Variants in NRG3 observed in about 807,000 individuals in gnomAD.
NRG3 encodes pro-neuregulin-3, membrane-bound isoform.
A neutral mutation model predicts 66.9 loss-of-function variants in NRG3; 31 were observed. That is an observed-to-expected ratio of 0.46 (90% CI 0.35 to 0.63). The LOEUF (loss-of-function observed/expected upper bound fraction) is 0.63, where lower values mean the gene tolerates loss of function less well. Ranked by LOEUF, NRG3 falls within the 20% of genes least tolerant of loss-of-function variation. The probability of loss-of-function intolerance (pLI) is 0.00; values close to 1 mark genes in which losing one functional copy is unlikely to be tolerated. For synonymous variants in NRG3, 393 were observed against 359.4 expected (o/e 1.09, Z -1.06); for missense variants, 910 against 878.9 (o/e 1.04, Z -0.45).
At chr10:82,319,989 A>G (rs12265675) in intron 1 of NRG3, among the ~76,000 whole-genome samples, 30,383 of 152,112 alleles carry the variant, frequency 0.2, 5,014 homozygotes, top group African/African-American at 0.45. Flanking sequence ...AGCCTTTCAG[A>G]GTAAGGATGT....
rs902771729 is a variant in NRG3, at chr10:82,613,442, A to T, written c.954-125135A>T. The stretch of plus-strand genomic sequence containing the variant: ...TTTAAAAAAAATAATTAATTAATTA[A>T]TTATTTATTTTTTCCATCCAGAGTA... On this transcript the variant is annotated intron_variant, in intron 2 of 8. Transcript: ENST00000372141. 7.5e-4 allele frequency among the ~76,000 whole-genome samples: 114 copies of T among 151,446 alleles called. 1 individual carries two copies. The highest frequency in any genetic ancestry group is 2.4e-3 in the African/African-American group (99 of 41,470).
At chr10:82,450,527 A>C (rs1489626601) in intron 2 of NRG3, among the ~76,000 whole-genome samples, 3 of 152,152 alleles carry the variant, frequency 2.0e-5, no homozygotes, top group Non-Finnish European at 4.4e-5. Context: ...TGTGTTCTGA[A>C]GAAATCTGCC....
intron 4 of NRG3, among the ~76,000 whole-genome samples, chr10:82,915,476 T>C (rs1292415071): frequency 2.6e-5 from 4 of 152,208 alleles, no homozygotes; most frequent in Non-Finnish European, 5.9e-5. Flanking sequence ...TACAGTAAAT[T>C]TTTTAAAAAC....
intron 1 of NRG3, among the ~76,000 whole-genome samples, chr10:82,271,642 C>A (rs1468899542): frequency 1.3e-5 from 2 of 152,016 alleles, no homozygotes; most frequent in African/African-American, 4.8e-5. Context: ...ACTGTGTAAG[C>A]AATACTGCTG....
intron 1 of NRG3, among the ~76,000 whole-genome samples, chr10:82,201,571 T>C (rs2074827134): frequency 6.6e-6 from 1 of 152,138 alleles, no homozygotes; most frequent in Admixed American, 6.5e-5. Context: ...AGGCCTTTAA[T>C]AGCGGTATTG....
chr10:82,207,807 A>G (rs2075196707), intron 1 of NRG3, among the ~76,000 whole-genome samples: 1 of 152,156 alleles, frequency 6.6e-6, no homozygotes, highest in Non-Finnish European at 1.5e-5. Context: ...ATGAGAAGTC[A>G]CTAGCACAAG....
intron 2 of NRG3, among the ~76,000 whole-genome samples, chr10:82,628,582 C>G (rs760639653): frequency 6.6e-6 from 1 of 152,020 alleles, no homozygotes; most frequent in Non-Finnish European, 1.5e-5. Context: ...CTGTACAGAG[C>G]TCAGATGAAC....
intron 2 of NRG3, among the ~76,000 whole-genome samples, chr10:82,475,163 A>G (rs545139460): frequency 1.3e-5 from 2 of 151,968 alleles, no homozygotes; most frequent in Non-Finnish European, 2.9e-5. Flanking sequence ...TATAAATGAA[A>G]CAATGAGTTG....
At chr10:82,654,212 G>T (rs2051667937) in intron 2 of NRG3, among the ~76,000 whole-genome samples, 1 of 152,102 alleles carries the variant, frequency 6.6e-6, no homozygotes, top group Non-Finnish European at 1.5e-5. Flanking sequence ...TTGAATGAGA[G>T]GATTTAAAAC....
At chr10:82,496,052 T>C (rs1022346946) in intron 2 of NRG3, among the ~76,000 whole-genome samples, 2 of 152,228 alleles carry the variant, frequency 1.3e-5, no homozygotes, top group Admixed American at 1.3e-4. Flanking sequence ...AACTCAGATA[T>C]GGTCTCTCTG....
chr10:82,300,631 C>T (rs1473013823), intron 1 of NRG3, among the ~76,000 whole-genome samples: 1 of 152,014 alleles, frequency 6.6e-6, no homozygotes, highest in African/African-American at 2.4e-5. Flanking sequence ...TTTGCCGTCA[C>T]CACAAACATG....
intron 2 of NRG3, among the ~76,000 whole-genome samples, chr10:82,419,006 C>T (rs1327231033): frequency 6.6e-6 from 1 of 152,098 alleles, no homozygotes; most frequent in Non-Finnish European, 1.5e-5. Context: ...ACCAAACCCT[C>T]AAAATTGTAA....
intron 2 of NRG3, among the ~76,000 whole-genome samples, chr10:82,576,669 T>C (rs910634272): frequency 6.6e-6 from 1 of 151,820 alleles, no homozygotes; most frequent in Non-Finnish European, 1.5e-5. Flanking sequence ...CAACTGCCTT[T>C]TGTGTTCAAT....
rs916064294 is a variant in NRG3 at position 82,866,995 on chromosome 10, A to G, written c.1054+1558A>G. 5.9e-5 allele frequency among the ~76,000 whole-genome samples: 9 copies of G among 152,264 alleles called. No homozygotes were observed. The East Asian group carries it at 7.7e-4, about 13-fold the overall frequency. On this transcript the variant is annotated intron_variant, in intron 4 of 8. Coordinates refer to ENST00000372141, the MANE Select transcript of NRG3 (RefSeq NM_001010848.4). ...GACAGAGAGAAAAAAAATGTTGGTT[A>G]TATGCCAAAGTTTCCCATTAATATG...
At chr10:82,762,844 A>G (rs2059381874) in intron 3 of NRG3, among the ~76,000 whole-genome samples, 1 of 152,188 alleles carries the variant, frequency 6.6e-6, no homozygotes, top group African/African-American at 2.4e-5. Flanking sequence ...GTTGAAGTTC[A>G]GTTGCCATGG....
intron 3 of NRG3, among the ~76,000 whole-genome samples, chr10:82,864,114 A>G (rs1460308134): frequency 1.3e-5 from 2 of 152,114 alleles, no homozygotes; most frequent in Non-Finnish European, 2.9e-5. Flanking sequence ...ATGAGGAATT[A>G]TGGATTAGGG....
At chr10:82,632,617 G>A (rs1030167015) in intron 2 of NRG3, among the ~76,000 whole-genome samples, 1 of 151,872 alleles carries the variant, frequency 6.6e-6, no homozygotes, top group African/African-American at 2.4e-5. Context: ...GGTAATCTTC[G>A]CAAAAGAGAA....
intron 2 of NRG3, among the ~76,000 whole-genome samples, chr10:82,715,107 G>T (rs923266673): frequency 1.3e-5 from 2 of 152,150 alleles, no homozygotes; most frequent in East Asian, 1.9e-4. Context: ...TTAAAGTCTT[G>T]GGTGTGGCTG....
chr10:82,673,257 A>T (rs1359802893), intron 2 of NRG3, among the ~76,000 whole-genome samples: 1 of 152,252 alleles, frequency 6.6e-6, no homozygotes, highest in Non-Finnish European at 1.5e-5. Flanking sequence ...CTGAGCTTGA[A>T]TAATTGGGTA....
Sources: gnomAD v4.1 joint callset for allele counts (sites outside exome capture counted in the v4.1 genomes callset) on GRCh38, gnomAD v4.1.1 for gene constraint, MANE v1.5 for transcripts, NCBI Gene and HGNC (gene_info 2026-07-23, HGNC 2026-07-21) for gene names.